Variants in SLC26A3 observed in about 807,000 individuals in gnomAD.
The protein encoded by SLC26A3 is chloride anion exchanger.
In SLC26A3, 64 loss-of-function variants were observed where a neutral mutation model predicts 85.6. That is an observed-to-expected ratio of 0.75 (90% confidence interval 0.61 to 0.92). SLC26A3 has a LOEUF of 0.92. SLC26A3 is among the 40% of genes least tolerant of loss of function. The pLI, the probability that SLC26A3 is intolerant of heterozygous loss-of-function variation, is 0.00. For synonymous variants in SLC26A3, 349 were observed against 336.0 expected, an observed-to-expected ratio of 1.04 and a Z score of -0.42; for missense variants, 922 against 927.3, an observed-to-expected ratio of 0.99 and a Z score of 0.07.
chr7:107,797,497 A>G (rs1794527137), intron 1 of SLC26A3, among the ~76,000 whole-genome samples: 1 of 141,696 alleles, frequency 7.1e-6, no homozygotes, highest in Non-Finnish European at 1.5e-5. Context: ...CCGTCTCAAA[A>G]AATAAAGAAA....
At chr7:107,782,676 G>C in intron 11 of SLC26A3, 121 bp downstream of exon 11, 1 of 934,512 alleles carries the variant, frequency 1.1e-6, no homozygotes, top group South Asian at 1.3e-5. Context: ...TGGCTAAGAA[G>C]AGTACTTGAG....
At chr7:107,789,500 T>A in intron 6 of SLC26A3, 24 bp downstream of exon 6, 3 of 1,608,748 alleles carry the variant, frequency 1.9e-6, no homozygotes, top group Non-Finnish European at 2.6e-6. Flanking sequence ...ATTTCAGTAT[T>A]TTTTAGGTGA....
intron 8 of SLC26A3, 148 bp downstream of exon 8, chr7:107,786,679 T>G: frequency 1.3e-6 from 1 of 767,764 alleles, no homozygotes; most frequent in Non-Finnish European, 2.3e-6. Flanking sequence ...AGGAAAGCAG[T>G]GAGCCTTCCT....
At chr7:107,798,264 AT>A (rs1242809050) in intron 1 of SLC26A3, among the ~76,000 whole-genome samples, 1 of 151,934 alleles carries the variant, frequency 6.6e-6, no homozygotes, top group East Asian at 1.9e-4. Context: ...TTGAGCAGAA[AT>A]TTAATCCTGG....
chr7:107,791,802 G>T, intron 4 of SLC26A3, 28 bp downstream of exon 4: 3 of 1,343,734 alleles, frequency 2.2e-6, no homozygotes, highest in Non-Finnish European at 3.2e-6. Flanking sequence ...AACAATGTGA[G>T]CATTAATCAG....
chr7:107,783,216 C>A lies in SLC26A3; in HGVS notation c.1108G>T (p.Asp370Tyr). The change falls in exon 9 of 21, where the codon GAT becomes TAT. Residue 370 changes from aspartate (D) to tyrosine (Y), a missense_variant. Coordinates refer to ENST00000340010, the MANE Select transcript of SLC26A3 (RefSeq NM_000111.3). Reference sequence around the variant, plus strand: ...GTTTGTTTACTTACCTGATTGCCATCAAGTGGATAATCGTATTTGAGGGAA... The same window carrying A: ...GTTTGTTTACTTACCTGATTGCCATAAAGTGGATAATCGTATTTGAGGGAA... ...VYSLKYDYPLDGNQELIALGL... is the reference protein window; with the variant it reads ...VYSLKYDYPLYGNQELIALGL... 6.2e-7 allele frequency: 1 copy of A among 1,614,194 alleles called. No individual in the cohort carries two copies. The highest frequency in any genetic ancestry group is 8.5e-7 in the Non-Finnish European group (1 of 1,180,032).
In SLC26A3 at chr7:107,778,211, G is replaced by A; in HGVS notation, c.1478C>T (p.Ala493Val). The change falls in exon 13 of 21, where the codon GCA becomes GTA. Residue 493 changes from alanine to valine, a missense_variant. Ala to Val is a moderately conservative substitution (Grantham distance 64). Transcript: ENST00000340010. ...GAACACGATGGTTAGCAGTTGAAAT[G>A]CCACACTAGCTGCCAGGCCTAACCC... The part of the protein sequence containing the change: ...GLGLGLAASV[A>V]FQLLTIVFRT... 1 of 1,613,920 alleles carries A rather than the reference G, an allele frequency of 6.2e-7. No individual in the cohort carries two copies. The highest frequency in any genetic ancestry group is 8.5e-7 in the Non-Finnish European group (1 of 1,179,848).
At position 107,774,082 on chromosome 7, in the gene SLC26A3, T is replaced by C; in HGVS notation, c.1845A>G (p.Val615=). 3 of 1,614,194 alleles carry C rather than the reference T, an allele frequency of 1.9e-6. No homozygotes were observed. The highest frequency in any genetic ancestry group is 2.5e-6 in the Non-Finnish European group (3 of 1,180,018). Residue 615 remains valine (V), a synonymous_variant, in exon 17 of 21, where the codon GTA becomes GTG. Transcript: ENST00000340010. ...CTGTGGTATTGATTGGCTGGTCCAGTACTTCTATCTGATTGTTGTCCAGCT... is the reference window on the plus strand; with the variant it reads ...CTGTGGTATTGATTGGCTGGTCCAGCACTTCTATCTGATTGTTGTCCAGCT... ...DEELDNNQIE[V]LDQPINTTDL...
intron 6 of SLC26A3, among the ~76,000 whole-genome samples, chr7:107,788,464 C>G (rs758472365): frequency 5.9e-5 from 9 of 152,052 alleles, no homozygotes; most frequent in Non-Finnish European, 1.3e-4. Context: ...GCAAAAAGAC[C>G]CAAGAACTTC....
chr7:107,772,916 T>C lies in SLC26A3; in HGVS notation c.2008-808A>G, dbSNP rs6956714. On this transcript the variant is annotated intron_variant, in intron 17 of 20. Coordinates refer to ENST00000340010, the MANE Select transcript of SLC26A3 (RefSeq NM_000111.3). ...TAAAAAAAATTCTTCCATTTTCTAA[T>C]TTTGTATCCAGTTCACCCATGCTGA... Among the ~76,000 whole-genome samples the C allele has an allele frequency of 5.5e-3, 844 of 152,308 alleles. 7 individuals carry two copies. The highest frequency in any genetic ancestry group is 0.019 in the African/African-American group (806 of 41,570).
chr7:107,800,625 C>G (rs1193554268), intron 1 of SLC26A3, among the ~76,000 whole-genome samples: 4 of 152,246 alleles, frequency 2.6e-5, no homozygotes, highest in African/African-American at 9.6e-5. Flanking sequence ...ATTTTTCCCT[C>G]TTTTGTTAGG....
In SLC26A3 at chr7:107,770,014, CTTTCTTTCTTTCTTTCTTTCTTTCTTT is replaced by C. The variant is rs1562874109; in HGVS notation, c.2062+2013_2062+2039del. On this transcript the variant is annotated intron_variant, in intron 18 of 20. Transcript: ENST00000340010. ...CTTCCTTTTTTCTCTTTCTTTCTTTCTTTCTTTCTTTCTTTCTTTCTTTCTTTCTTTCTTTCTCTTTTCTTTCTTTTT... is the reference window on the plus strand; with the variant it reads ...CTTCCTTTTTTCTCTTTCTTTCTTTCCTTTCTTTCTCTTTTCTTTCTTTTT... Among the ~76,000 whole-genome samples the C allele has an allele frequency of 2.9e-4, 11 of 37,314 alleles. No individual in the cohort carries two copies. The African/African-American group carries it at 3.1e-3, about 11-fold the overall frequency. 24.5% of individuals were successfully genotyped at this position (37,314 alleles called of 152,430 possible). A position where few individuals can be genotyped will look rare whatever the true frequency, so the allele number is the denominator to read the frequency against.
In SLC26A3 at chr7:107,767,859, C is replaced by A. The variant is rs767337870; in HGVS notation, c.2112G>T (p.Val704=). 9 of 1,613,568 alleles carry A rather than the reference C, an allele frequency of 5.6e-6. No individual in the cohort carries two copies. Among genetic ancestry groups the A allele is most frequent in the Non-Finnish European group, 7.6e-6 (9 of 1,179,646 alleles). ...TTGTTAAGAAAAATATTGAGCTTTT[C>A]ACTTCACCATCAAAAAATTCATACC... ...LNRYEFFDGE[V]KSSIFFLTIH... The change falls in exon 19 of 21, where the codon GTG becomes GTT. Residue 704 remains valine (V), a synonymous_variant. Transcript: ENST00000340010.
At chr7:107,767,156 C>T (rs1209383894) in intron 20 of SLC26A3, among the ~76,000 whole-genome samples, 1 of 152,114 alleles carries the variant, frequency 6.6e-6, no homozygotes, top group African/African-American at 2.4e-5. Context: ...CTTGACTGGG[C>T]ACTGTGCTAG....
In SLC26A3 at chr7:107,786,785, C is replaced by A. The variant is rs372765964; in HGVS notation, c.971+42G>T. On this transcript the variant is annotated intron_variant, in intron 8 of 20. Coordinates refer to ENST00000340010, the MANE Select transcript of SLC26A3 (RefSeq NM_000111.3). ...CTCTCCTGTCACTACTGCTAACTCT[C>A]TGCTTAGTGCATGGTGATGCCATCA... is the stretch of plus-strand genomic sequence containing the variant. The A allele has an allele frequency of 6.0e-6, 9 of 1,508,184 alleles. No individual in the cohort carries two copies. The African/African-American group carries it at 1.2e-4, about 21-fold the overall frequency. 93.4% of individuals were successfully genotyped at this position (1,508,184 alleles called of 1,614,324 possible). A position where few individuals can be genotyped will look rare whatever the true frequency, so the allele number is the denominator to read the frequency against.
chr7:107,801,312 G>A (rs911194445), intron 1 of SLC26A3, among the ~76,000 whole-genome samples: 1 of 152,112 alleles, frequency 6.6e-6, no homozygotes, highest in African/African-American at 2.4e-5. Flanking sequence ...CTACCCCCAA[G>A]AGAGACAAGG....
At chr7:107,782,925 G>T (rs778088378) in intron 10 of SLC26A3, 51 bp from the exon 11 acceptor site, 7 of 1,612,614 alleles carry the variant, frequency 4.3e-6, no homozygotes, top group Non-Finnish European at 5.1e-6. Context: ...CCCCTGGCTT[G>T]AATTTCCTAG....
chr7:107,791,248 G>T lies in SLC26A3; in HGVS notation c.383-13C>A, dbSNP rs2115874405. 6.2e-7 allele frequency: 1 copy of T among 1,613,558 alleles called. No individual in the cohort carries two copies. The highest frequency in any genetic ancestry group is 1.7e-4 in the Middle Eastern group (1 of 6,058). ...ATCGGAAACGGACCTAATTAACAGTGGGTGAATCGTGGTCAGTATATGCCT... is the reference window on the plus strand; with the variant it reads ...ATCGGAAACGGACCTAATTAACAGTTGGTGAATCGTGGTCAGTATATGCCT... On this transcript the variant is annotated splice_polypyrimidine_tract_variant and intron_variant, in intron 4 of 20. Transcript: ENST00000340010.
At chr7:107,770,735 A>C (rs923299320) in intron 18 of SLC26A3, among the ~76,000 whole-genome samples, 2 of 152,168 alleles carry the variant, frequency 1.3e-5, no homozygotes, top group African/African-American at 4.8e-5. Context: ...GGTATTCAAT[A>C]AGTCTTTACT....
Sources: allele counts gnomAD v4.1 joint callset (sites outside exome capture counted in the v4.1 genomes callset), GRCh38; gene constraint gnomAD v4.1.1; transcripts MANE v1.5; gene names NCBI Gene and HGNC (gene_info 2026-07-23, HGNC 2026-07-21).